AFAP1: variants seen among roughly 807,000 people sequenced by gnomAD.
AFAP1 encodes actin filament associated protein 1, also known as actin filament-associated protein 1.
AFAP1 carries 75 observed loss-of-function variants against 93.9 expected under a neutral mutation model. That is an observed-to-expected ratio of 0.80 (90% CI 0.66 to 0.97). AFAP1 has a LOEUF of 0.97. Among genes scored for constraint, AFAP1 ranks in the 50% least tolerant of loss-of-function variants. AFAP1 has a pLI of 0.00. For synonymous variants in AFAP1, 517 were observed against 430.7 expected, an observed-to-expected ratio of 1.20 and a Z score of -2.48; for missense variants, 1,201 against 1,050.8, an observed-to-expected ratio of 1.14 and a Z score of -1.98.
intron 1 of AFAP1, among the ~76,000 whole-genome samples, chr4:7,912,758 T>G (rs1271213993): frequency 3.3e-5 from 5 of 152,216 alleles, no homozygotes; most frequent in African/African-American, 4.8e-5. Flanking sequence ...CATTTTACAT[T>G]TTAGTCCATG....
intron 1 of AFAP1, among the ~76,000 whole-genome samples, chr4:7,904,554 G>T (rs114090414): frequency 6.6e-6 from 1 of 152,136 alleles, no homozygotes; most frequent in East Asian, 1.9e-4. Context: ...AATCCTGTAA[G>T]ATCAGTACCA....
chr4:7,787,736 G>A (rs968589000), intron 11 of AFAP1, among the ~76,000 whole-genome samples: 7 of 152,162 alleles, frequency 4.6e-5, no homozygotes, highest in Non-Finnish European at 2.9e-5. Flanking sequence ...GCCAGCCTCC[G>A]CCCAACACCC....
chr4:7,804,323 A>G (rs564225209), intron 9 of AFAP1, among the ~76,000 whole-genome samples: 2 of 152,330 alleles, frequency 1.3e-5, no homozygotes, highest in Admixed American at 1.3e-4. Flanking sequence ...GCAGGTCCAG[A>G]TAGAACTGAT....
chr4:7,771,253 C>T (rs994171197), intron 16 of AFAP1, among the ~76,000 whole-genome samples: 13 of 151,992 alleles, frequency 8.6e-5, no homozygotes, highest in African/African-American at 3.1e-4. Context: ...GGCATGGCGG[C>T]CCCCGCCGGT....
chr4:7,761,107 T>C lies in AFAP1; in HGVS notation c.*2658A>G, dbSNP rs917645388. The stretch of plus-strand genomic sequence containing the variant: ...TAAAATGACATCACTGTCAGAATTC[T>C]GGCAAGATGGCTCGCGTGTGTCTAA... On this transcript the variant is annotated 3_prime_UTR_variant, in exon 18 of 18. Coordinates refer to ENST00000420658, the MANE Select transcript of AFAP1 (RefSeq NM_001134647.2). 8.5e-5 allele frequency: 13 copies of C among 152,292 alleles called. No individual in the cohort carries two copies. Among genetic ancestry groups the C allele is most frequent in the African/African-American group, 2.4e-4 (10 of 41,484 alleles). The allele number at this position is 152,292 out of a possible 1,614,324, so 9.4% of individuals were successfully genotyped here.
intron 1 of AFAP1, among the ~76,000 whole-genome samples, chr4:7,880,873 G>C (rs73073925): frequency 6.6e-6 from 1 of 152,122 alleles, no homozygotes; most frequent in Non-Finnish European, 1.5e-5. Context: ...TGAGAAACAC[G>C]GGGAAAGTTG....
At chr4:7,897,304 G>A (rs1362921817) in intron 1 of AFAP1, among the ~76,000 whole-genome samples, 3 of 152,106 alleles carry the variant, frequency 2.0e-5, no homozygotes, top group African/African-American at 7.2e-5. Flanking sequence ...TGCTGTTTAC[G>A]AACAAACGGT....
At chr4:7,765,012 G>A (rs114425838) in intron 17 of AFAP1, among the ~76,000 whole-genome samples, 4,027 of 152,234 alleles carry the variant, frequency 0.026, 187 homozygotes, top group African/African-American at 0.09. Flanking sequence ...AGGCTGAGGC[G>A]AGAGGATTGC....
chr4:7,905,898 G>A (rs1719370619), intron 1 of AFAP1, among the ~76,000 whole-genome samples: 3 of 152,206 alleles, frequency 2.0e-5, no homozygotes, highest in Admixed American at 1.3e-4. Flanking sequence ...GGCATAAGGG[G>A]GCTCCATGCC....
At chr4:7,911,207 G>T (rs1180356133) in intron 1 of AFAP1, among the ~76,000 whole-genome samples, 1 of 152,146 alleles carries the variant, frequency 6.6e-6, no homozygotes, top group Admixed American at 6.5e-5. Context: ...GAGCCAGGAC[G>T]GCTTTCTTCC....
intron 1 of AFAP1, among the ~76,000 whole-genome samples, chr4:7,882,568 C>G (rs1717911500): frequency 6.6e-6 from 1 of 152,116 alleles, no homozygotes; most frequent in African/African-American, 2.4e-5. Context: ...GAGATTCACT[C>G]TAGAAATGCA....
intron 1 of AFAP1, among the ~76,000 whole-genome samples, chr4:7,905,915 A>C (rs1433222338): frequency 6.6e-6 from 1 of 152,220 alleles, no homozygotes; most frequent in Non-Finnish European, 1.5e-5. Flanking sequence ...TGCCGGGAAG[A>C]GCACCTTCCG....
chr4:7,825,336 C>G (rs572170627), intron 6 of AFAP1, among the ~76,000 whole-genome samples: 2 of 152,224 alleles, frequency 1.3e-5, no homozygotes, highest in South Asian at 4.1e-4. Context: ...TGCGGCAGTT[C>G]TTTAGTTTTT....
chr4:7,896,021 C>T (rs778079588), intron 1 of AFAP1, among the ~76,000 whole-genome samples: 5 of 151,924 alleles, frequency 3.3e-5, no homozygotes, highest in Non-Finnish European at 5.9e-5. Flanking sequence ...CCACCACACC[C>T]GGCTAATTTT....
rs759691649 is a variant in AFAP1 at position 7,781,595 on chromosome 4, G to A, written c.1563C>T (p.Cys521=). The A allele has an allele frequency of 6.4e-7, 1 of 1,551,712 alleles. No individual in the cohort carries two copies. ...WEPEDGFPAS[C]SRGLGEEVLY... ...GCACCTCTTCTCCCAAGCCTCTGCT[G>A]CAGGAAGCAGGAAAGCCGTCTTCCG... is the stretch of plus-strand genomic sequence containing the variant. The change falls in exon 13 of 18, where the codon TGC becomes TGT. Residue 521 remains cysteine, a synonymous_variant. Coordinates refer to ENST00000420658, the MANE Select transcript of AFAP1 (RefSeq NM_001134647.2).
At chr4:7,780,785 C>T (rs981254419) in intron 13 of AFAP1, among the ~76,000 whole-genome samples, 7 of 152,028 alleles carry the variant, frequency 4.6e-5, no homozygotes, top group East Asian at 3.9e-4. Flanking sequence ...TCCTTATTAT[C>T]GTTATCTAGT....
intron 4 of AFAP1, among the ~76,000 whole-genome samples, chr4:7,847,796 G>GGGC (rs1485247637): frequency 3.0e-5 from 3 of 101,368 alleles, no homozygotes; most frequent in South Asian, 3.9e-4. Flanking sequence ...GGGTACTCGG[G>GGGC]GTGGGGCATT....
At chr4:7,929,264 T>C (rs1720933729) in intron 1 of AFAP1, among the ~76,000 whole-genome samples, 1 of 152,200 alleles carries the variant, frequency 6.6e-6, no homozygotes, top group African/African-American at 2.4e-5. Context: ...AGCTGACTGA[T>C]GTCCAAACAG....
At chr4:7,802,088 T>A (rs1433167773) in intron 9 of AFAP1, among the ~76,000 whole-genome samples, 1 of 152,048 alleles carries the variant, frequency 6.6e-6, no homozygotes. Flanking sequence ...AGAATGATGC[T>A]TTATTACTTA....
Sources: gnomAD v4.1 joint callset for allele counts (sites outside exome capture counted in the v4.1 genomes callset) on GRCh38, gnomAD v4.1.1 for gene constraint, MANE v1.5 for transcripts, NCBI Gene and HGNC (gene_info 2026-07-23, HGNC 2026-07-21) for gene names.